KCNC2: variants seen among roughly 807,000 people sequenced by gnomAD.
KCNC2 encodes voltage-gated potassium channel KCNC2.
Under a neutral mutation model 44.5 loss-of-function variants are expected in KCNC2, and 21 were observed. The observed-to-expected ratio is 0.47, with a 90% CI of 0.33 to 0.68. The LOEUF is 0.68. Ranked by LOEUF, KCNC2 falls within the 30% of genes least tolerant of loss-of-function variation. The pLI is 0.01. For missense variants in KCNC2, 589 were observed against 826.2 expected (o/e 0.71, Z 3.52); for synonymous variants, 391 against 339.1 (o/e 1.15, Z -1.68).
intron 2 of KCNC2, among the ~76,000 whole-genome samples, chr12:75,177,944 T>A (rs1022849932): frequency 6.6e-6 from 1 of 151,988 alleles, no homozygotes. Flanking sequence ...CAATCTTCCT[T>A]ACTTTACTTA....
chr12:75,069,426 G>A (rs978159787), intron 2 of KCNC2, among the ~76,000 whole-genome samples: 12 of 151,988 alleles, frequency 7.9e-5, no homozygotes, highest in African/African-American at 1.7e-4. Flanking sequence ...GTGATCCACC[G>A]TGCTCGGCCT....
At chr12:75,201,277 AAAAAAAAAAAAAAAAAAAAAAC>A (rs1345500947) in intron 2 of KCNC2, among the ~76,000 whole-genome samples, 2,824 of 119,206 alleles carry the variant, frequency 0.024, 227 homozygotes, top group African/African-American at 0.083. Flanking sequence ...AAAAAAAAAA[AAAAAAAAAAAAAAAAAAAAAAC>A]CAGATTCTGG....
At chr12:75,083,930 A>G (rs2366624) in intron 2 of KCNC2, among the ~76,000 whole-genome samples, 62,392 of 151,740 alleles carry the variant, frequency 0.41, 16,018 homozygotes, top group Non-Finnish European at 0.58. Context: ...GAATACATAC[A>G]GTAGTTTTAT....
At chr12:75,094,648 C>T (rs892651716) in intron 2 of KCNC2, among the ~76,000 whole-genome samples, 1 of 151,172 alleles carries the variant, frequency 6.6e-6, no homozygotes, top group African/African-American at 2.4e-5. Context: ...GAATTTTGAC[C>T]TTTCTAACAG....
chr12:75,041,948 A>G lies in KCNC2; in HGVS notation c.*1157T>C. ...CTTCATGGAGACAGATGGCATATAC[A>G]GGAAAGACAGGGAGCTAAGACAGAC... On this transcript the variant is annotated 3_prime_UTR_variant, in exon 5 of 5. Coordinates refer to ENST00000549446, the MANE Select transcript of KCNC2 (RefSeq NM_139137.4). 3 of 1,007,574 alleles carry G rather than the reference A, an allele frequency of 3.0e-6. No individual in the cohort carries two copies. The highest frequency in any genetic ancestry group is 9.1e-5 in the South Asian group (2 of 22,066). The allele number at this position is 1,007,574 out of a possible 1,614,324, so 62.4% of individuals were successfully genotyped here. A position where few individuals can be genotyped will look rare whatever the true frequency, so the allele number is the denominator to read the frequency against.
rs944235210 is a variant in KCNC2, at chr12:75,081,528, C to T, written c.688-30211G>A. Among the ~76,000 whole-genome samples, 7 of 151,216 alleles carry T rather than the reference C, an allele frequency of 4.6e-5. No homozygotes were observed. The South Asian group carries it at 1.0e-3, about 22-fold the overall frequency. ...CCAACTTCAAAATACTTTTGTTCTA[C>T]GGATTTACAGCTCTTAGCATAATAA... On this transcript the variant is annotated intron_variant, in intron 2 of 4. Coordinates refer to ENST00000549446, the MANE Select transcript of KCNC2 (RefSeq NM_139137.4).
intron 2 of KCNC2, among the ~76,000 whole-genome samples, chr12:75,147,186 T>C (rs1325465524): frequency 6.6e-6 from 1 of 151,990 alleles, no homozygotes; most frequent in African/African-American, 2.4e-5. Flanking sequence ...ACAATAGCAA[T>C]AAAAACAATA....
chr12:75,045,707 G>A (rs10506677), intron 4 of KCNC2, among the ~76,000 whole-genome samples: 22,082 of 151,734 alleles, frequency 0.15, 1,952 homozygotes, highest in Middle Eastern at 0.2. Flanking sequence ...TGCTATTCAC[G>A]AGCATGTTTT....
At chr12:75,145,794 GA>G (rs1889981942) in intron 2 of KCNC2, among the ~76,000 whole-genome samples, 1 of 151,974 alleles carries the variant, frequency 6.6e-6, no homozygotes, top group Non-Finnish European at 1.5e-5. Flanking sequence ...TGAAAATATA[GA>G]AAAATATAGA....
rs1194182370 is a variant in KCNC2 at position 75,042,175 on chromosome 12, C to T, written c.*930G>A. ...AGAGCTTTGGGTGATATTTGGCACT[C>T]TGCCTCTGAAAATGATGACAAACCC... On this transcript the variant is annotated 3_prime_UTR_variant, in exon 5 of 5. Coordinates refer to ENST00000549446, the MANE Select transcript of KCNC2 (RefSeq NM_139137.4). 11 of 1,301,020 alleles carry T rather than the reference C, an allele frequency of 8.5e-6. No individual in the cohort carries two copies. Among genetic ancestry groups the T allele is most frequent in the Non-Finnish European group, 1.1e-5 (11 of 1,018,628 alleles). 80.6% of individuals were successfully genotyped at this position (1,301,020 alleles called of 1,614,324 possible).
At chr12:75,069,968 T>C (rs1380415503) in intron 2 of KCNC2, among the ~76,000 whole-genome samples, 1 of 152,160 alleles carries the variant, frequency 6.6e-6, no homozygotes, top group African/African-American at 2.4e-5. Flanking sequence ...CAGGATCGAA[T>C]TGGCTCCTCT....
chr12:75,199,730 A>G lies in KCNC2; in HGVS notation c.687+7567T>C, dbSNP rs537234291. 6.7e-4 allele frequency among the ~76,000 whole-genome samples: 102 copies of G among 152,052 alleles called. 1 individual carries two copies. The highest frequency in any genetic ancestry group is 2.3e-3 in the African/African-American group (97 of 41,554). On this transcript the variant is annotated intron_variant, in intron 2 of 4. Coordinates refer to ENST00000549446, the MANE Select transcript of KCNC2 (RefSeq NM_139137.4). ...AAAACCCACCATGACCTGGTTATTT[A>G]CATTTGAGAAGATGATGTTCTATTG...
At chr12:75,117,576 A>G (rs1016667711) in intron 2 of KCNC2, among the ~76,000 whole-genome samples, 2 of 152,194 alleles carry the variant, frequency 1.3e-5, no homozygotes, top group Admixed American at 1.3e-4. Context: ...TATTCAGGGA[A>G]TTTTTTAAGA....
rs2031789327 is a variant in KCNC2, at chr12:75,207,490, G to A, written c.494C>T (p.Ala165Val). Residue 165 changes from alanine (A) to valine (V), a missense_variant, in exon 2 of 5, where the codon GCG becomes GTG. Around this residue, in one of 7 missense-constraint regions of KCNC2, gnomAD observed 40 missense variants for 102.0 expected, o/e 0.39. Coordinates refer to ENST00000549446, the MANE Select transcript of KCNC2 (RefSeq NM_139137.4). This position sits in a 1 kb window ranked among gnomAD's most constrained non-coding sequence, Gnocchi z 4.1. ...GTCGGGGGTCTCGAAGATGTCCAGC[G>A]CCTCCTCGGCGTCGCGGTGCTGCCG... ...TYRQHRDAEE[A>V]LDIFETPDLI... 1 of 1,612,536 alleles carries A rather than the reference G, an allele frequency of 6.2e-7. No homozygotes were observed. Among genetic ancestry groups the A allele is most frequent in the Non-Finnish European group, 8.5e-7 (1 of 1,179,812 alleles).
intron 2 of KCNC2, among the ~76,000 whole-genome samples, chr12:75,201,994 A>G (rs1255691462): frequency 6.6e-6 from 1 of 151,964 alleles, no homozygotes; most frequent in Non-Finnish European, 1.5e-5. Flanking sequence ...AAAGAATACA[A>G]TACTTGAAAA....
At position 75,207,650 on chromosome 12, in the gene KCNC2, C is replaced by G. The variant is rs199840070; in HGVS notation, c.334G>C (p.Ala112Pro). The G allele has an allele frequency of 1.2e-6, 2 of 1,611,496 alleles. No homozygotes were observed. The highest frequency in any genetic ancestry group is 3.3e-5 in the Admixed American group (2 of 59,962). Residue 112 changes from alanine (A) to proline (P), a missense_variant, in exon 2 of 5, where the codon GCC becomes CCC. Around this residue, in one of 7 missense-constraint regions of KCNC2, gnomAD observed 40 missense variants for 102.0 expected, o/e 0.39. Transcript: ENST00000549446. The surrounding 1 kb of genome is among the most constrained non-coding windows in gnomAD (Gnocchi z 4.1). Reference protein sequence around the residue: ...FFFDRHPGVFAYVLNYYRTGK... With the variant: ...FFFDRHPGVFPYVLNYYRTGK... ...GTGCGGTAGTAATTGAGCACATAGG[C>G]GAAGACGCCCGGGTGCCGGTCGAAG...
intron 2 of KCNC2, chr12:75,124,993 C>T (rs1317624834): frequency 6.6e-6 from 1 of 152,062 alleles, no homozygotes; most frequent in African/African-American, 2.4e-5. Context: ...GTAGTCCTAG[C>T]TATGCGGGAG....
At chr12:75,079,163 G>A (rs1463503) in intron 2 of KCNC2, among the ~76,000 whole-genome samples, 135,783 of 152,074 alleles carry the variant, frequency 0.89, 60,658 homozygotes, top group Admixed American at 0.92. Context: ...GGTGTTATTA[G>A]TAAGAGAACA....
At chr12:75,204,056 A>C (rs1339311880) in intron 2 of KCNC2, among the ~76,000 whole-genome samples, 1 of 151,996 alleles carries the variant, frequency 6.6e-6, no homozygotes, top group Non-Finnish European at 1.5e-5. Flanking sequence ...TACTGTTTGT[A>C]AATATCACTC....
Sources: allele counts gnomAD v4.1 joint callset (sites outside exome capture counted in the v4.1 genomes callset), GRCh38; gene constraint gnomAD v4.1.1; regional missense constraint gnomAD v4.1.1; non-coding constraint Gnocchi (gnomAD v3.1); transcripts MANE v1.5; gene names NCBI Gene and HGNC (gene_info 2026-07-23, HGNC 2026-07-21).